The following BICDL1 variants were observed in gnomAD, a reference collection of about 807,000 sequenced individuals.
The protein encoded by BICDL1 is BICD family-like cargo adapter 1.
In BICDL1, 20 loss-of-function variants were observed where a neutral mutation model predicts 76.8. The ratio of observed to expected loss-of-function variants is 0.26; its 90% CI spans 0.18 to 0.38. BICDL1 has a LOEUF of 0.38. Ranked by LOEUF, BICDL1 falls within the 10% of genes least tolerant of loss-of-function variation. BICDL1 has a pLI of 1.00. For synonymous variants in BICDL1, 383 were observed against 337.1 expected (o/e 1.14, Z -1.49); for missense variants, 700 against 798.6 (o/e 0.88, Z 1.49).
At chr12:120,062,368 G>GT (rs1338491237) in intron 3 of BICDL1, among the ~76,000 whole-genome samples, 1 of 152,020 alleles carries the variant, frequency 6.6e-6, no homozygotes, top group Non-Finnish European at 1.5e-5. Context: ...GAACAATACT[G>GT]TGAGAACCTG....
rs1594077295 is a variant in BICDL1 at position 119,989,808 on chromosome 12, C to A, written c.-61C>A. 3 of 847,098 alleles carry A rather than the reference C, an allele frequency of 3.5e-6. No homozygotes were observed. Among genetic ancestry groups the A allele is most frequent in the East Asian group, 7.3e-5 (1 of 13,692 alleles). 52.5% of individuals were successfully genotyped at this position (847,098 alleles called of 1,614,324 possible). ...CGGGGCGGCGCGGCAGGGCCCCTCC[C>A]CCCTGCAGCCTGGCGCGCGCGGGCC... On this transcript the variant is annotated 5_prime_UTR_variant, in exon 1 of 10. Transcript: ENST00000548673.
intron 2 of BICDL1, among the ~76,000 whole-genome samples, chr12:120,060,201 G>A (rs569203841): frequency 6.6e-6 from 1 of 152,346 alleles, no homozygotes; most frequent in East Asian, 1.9e-4. Context: ...AGGCAAAAGT[G>A]AATGACTAAT....
At chr12:120,011,197 T>C (rs745761666) in intron 2 of BICDL1, among the ~76,000 whole-genome samples, 1 of 152,154 alleles carries the variant, frequency 6.6e-6, no homozygotes, top group Non-Finnish European at 1.5e-5. Flanking sequence ...ACCTGGAAGA[T>C]TTCTGTGGGC....
intron 7 of BICDL1, among the ~76,000 whole-genome samples, chr12:120,077,604 G>C (rs1020074615): frequency 6.6e-6 from 1 of 152,168 alleles, no homozygotes; most frequent in Non-Finnish European, 1.5e-5. Flanking sequence ...TACTCCAGAA[G>C]GGGCATGAAC....
chr12:120,009,309 G>A (rs1404739909), intron 2 of BICDL1, among the ~76,000 whole-genome samples: 4 of 152,060 alleles, frequency 2.6e-5, no homozygotes, highest in African/African-American at 4.8e-5. Context: ...ATTATTTACC[G>A]AGAGAGCCAT....
intron 2 of BICDL1, among the ~76,000 whole-genome samples, chr12:120,005,502 T>G (rs1398091072): frequency 6.6e-6 from 1 of 152,136 alleles, no homozygotes; most frequent in African/African-American, 2.4e-5. Flanking sequence ...GCCTCCCAAG[T>G]AGCTGGAATT....
At chr12:120,091,488 C>T in intron 9 of BICDL1, 1 of 992,832 alleles carries the variant, frequency 1.0e-6, no homozygotes, top group Non-Finnish European at 1.2e-6. Flanking sequence ...GGCACTGTGC[C>T]AAGGATCATA....
intron 2 of BICDL1, among the ~76,000 whole-genome samples, chr12:120,060,870 T>C (rs1353070572): frequency 2.0e-5 from 3 of 152,194 alleles, no homozygotes; most frequent in African/African-American, 7.2e-5. Context: ...TTCCTGGCCG[T>C]TCCAGCACAC....
chr12:119,998,441 A>C, intron 1 of BICDL1, 80 bp from the exon 2 acceptor site: 1 of 1,292,568 alleles, frequency 7.7e-7, no homozygotes, highest in South Asian at 1.6e-5. Flanking sequence ...GGAAAAAGAA[A>C]AGTTGGGACA....
chr12:119,996,906 A>G (rs1039781069), intron 1 of BICDL1, among the ~76,000 whole-genome samples: 1 of 152,092 alleles, frequency 6.6e-6, no homozygotes, highest in African/African-American at 2.4e-5. Flanking sequence ...ATAGAAGAAC[A>G]TACTCTTTTC....
intron 3 of BICDL1, among the ~76,000 whole-genome samples, chr12:120,063,404 T>C (rs530646888): frequency 1.6e-4 from 24 of 152,284 alleles, no homozygotes; most frequent in Admixed American, 3.9e-4. Flanking sequence ...CCACATACTT[T>C]GTTTCCCCAG....
chr12:120,017,752 C>T (rs1594120662), intron 2 of BICDL1, among the ~76,000 whole-genome samples: 1 of 151,916 alleles, frequency 6.6e-6, no homozygotes, highest in African/African-American at 2.4e-5. Flanking sequence ...GAAAATGTGT[C>T]AAGATTTGGC....
chr12:120,061,896 A>G (rs1043169137), intron 3 of BICDL1, 70 bp downstream of exon 3: 32 of 1,028,724 alleles, frequency 3.1e-5, no homozygotes, highest in Non-Finnish European at 4.5e-5. Context: ...AAACTGCTCT[A>G]TGTAAAAGGG....
intron 2 of BICDL1, among the ~76,000 whole-genome samples, chr12:120,033,140 A>AT (rs560654178): frequency 3.0e-4 from 45 of 151,852 alleles, no homozygotes; most frequent in African/African-American, 1.0e-3. Context: ...CGCTTCAGTA[A>AT]TTTTTTCATT....
Position 120,064,826 on chromosome 12 carries a change from C to T in BICDL1, c.856C>T (p.Leu286=), listed in dbSNP as rs1009513219. The part of the protein sequence containing the change: ...NDLLQGTVEE[L]QDRVLILERQ... ...CCTGCTCCAAGGGACCGTGGAGGAGCTACAGGACCGGGTGCTAATCCTGGA... is the reference window on the plus strand; with the variant it reads ...CCTGCTCCAAGGGACCGTGGAGGAGTTACAGGACCGGGTGCTAATCCTGGA... Residue 286 remains leucine, a synonymous_variant, in exon 4 of 10, where the codon CTA becomes TTA. Coordinates refer to ENST00000548673, the MANE Select transcript of BICDL1 (RefSeq NM_001367886.1). The T allele has an allele frequency of 1.2e-5, 20 of 1,613,526 alleles. No homozygotes were observed. Among genetic ancestry groups the T allele is most frequent in the Admixed American group, 3.3e-5 (2 of 59,954 alleles).
intron 2 of BICDL1, among the ~76,000 whole-genome samples, chr12:120,016,961 C>T (rs1041074495): frequency 5.9e-5 from 9 of 152,160 alleles, no homozygotes; most frequent in African/African-American, 1.7e-4. Flanking sequence ...GGCACGATCT[C>T]GGCTCACTGC....
At chr12:120,011,442 A>G (rs527373704) in intron 2 of BICDL1, among the ~76,000 whole-genome samples, 52 of 152,310 alleles carry the variant, frequency 3.4e-4, no homozygotes, top group African/African-American at 1.0e-3. Context: ...AGATCTTCCA[A>G]TTCTAACTAG....
chr12:120,038,593 G>A (rs1373922641), intron 2 of BICDL1, among the ~76,000 whole-genome samples: 1 of 151,764 alleles, frequency 6.6e-6, no homozygotes, highest in East Asian at 1.9e-4. Context: ...AAATCATTAT[G>A]TTGATTTTTT....
intron 2 of BICDL1, among the ~76,000 whole-genome samples, chr12:120,046,796 C>T (rs146720158): frequency 2.4e-3 from 367 of 152,208 alleles, no homozygotes; most frequent in African/African-American, 7.4e-3. Context: ...TCTCCAATTG[C>T]GAGTACAGTG....
Sources: gnomAD v4.1 joint callset for allele counts (sites outside exome capture counted in the v4.1 genomes callset) on GRCh38, gnomAD v4.1.1 for gene constraint, MANE v1.5 for transcripts, NCBI Gene and HGNC (gene_info 2026-07-23, HGNC 2026-07-21) for gene names.